Variants in CCDC148 observed in about 807,000 individuals in gnomAD.
CCDC148 encodes the protein coiled-coil domain containing 148, also known as coiled-coil domain-containing protein 148.
In CCDC148, 89 loss-of-function variants were observed where a neutral mutation model predicts 85.7. The observed-to-expected ratio is 1.04, with a 90% CI of 0.87 to 1.24. CCDC148 has a LOEUF of 1.24. Among genes scored for constraint, CCDC148 ranks in the 50% most tolerant of loss-of-function variants. The pLI, the probability that CCDC148 is intolerant of heterozygous loss-of-function variation, is 0.00. For missense variants in CCDC148, 692 were observed against 671.7 expected (o/e 1.03, Z -0.33); for synonymous variants, 230 against 213.9 (o/e 1.08, Z -0.66).
chr2:158,257,653 A>G (rs1330906008), intron 9 of CCDC148, among the ~76,000 whole-genome samples: 1 of 151,108 alleles, frequency 6.6e-6, no homozygotes, highest in African/African-American at 2.4e-5. Flanking sequence ...TTTTTTTATC[A>G]CCTCTCTTTG....
At chr2:158,381,916 C>T (rs1684887582) in intron 1 of CCDC148, among the ~76,000 whole-genome samples, 1 of 152,046 alleles carries the variant, frequency 6.6e-6, no homozygotes, top group South Asian at 2.1e-4. Flanking sequence ...TTTCATGCCC[C>T]CACCCCCTGG....
intron 11 of CCDC148, 68 bp downstream of exon 11, chr2:158,220,508 GTTCCCTCTGATATTATTTA>G: frequency 1.2e-6 from 1 of 854,672 alleles, no homozygotes; most frequent in Non-Finnish European, 1.9e-6. Context: ...ATAGAAAAAA[GTTCCCTCTGATATTATTTA>G]TTCTAACACT....
Position 158,313,518 on chromosome 2 carries a change from CAAG to C in CCDC148, c.903+235_903+237del, listed in dbSNP as rs200577017. ...GGGACCACAGTGAAGATCTCCGCAG[CAAG>C]TAGGCACAGAGAGTGACTTCTGCCC... On this transcript the variant is annotated intron_variant, in intron 8 of 13. Transcript: ENST00000283233. Among the ~76,000 whole-genome samples the C allele has an allele frequency of 1.2e-4, 19 of 152,118 alleles. No individual in the cohort carries two copies. The East Asian group carries it at 2.1e-3, about 17-fold the overall frequency.
chr2:158,179,403 T>G (rs6437145), intron 11 of CCDC148, among the ~76,000 whole-genome samples: 4 of 152,046 alleles, frequency 2.6e-5, no homozygotes, highest in African/African-American at 9.6e-5. Flanking sequence ...GTGATCCGCC[T>G]GCCTTGGCCA....
rs1373119515 is a variant in CCDC148 at position 158,443,860 on chromosome 2, A to C, written c.25+12555T>G. On this transcript the variant is annotated intron_variant, in intron 1 of 13. Transcript: ENST00000283233. ...GGCTACAAGCCAGCCACACCTCCTGACTTTGAGATCAGTGCTCTTCCACCA... is the reference window on the plus strand; with the variant it reads ...GGCTACAAGCCAGCCACACCTCCTGCCTTTGAGATCAGTGCTCTTCCACCA... Among the ~76,000 whole-genome samples the C allele has an allele frequency of 5.9e-5, 9 of 152,192 alleles. 1 individual carries two copies. Among genetic ancestry groups the C allele is most frequent in the Non-Finnish European group, 1.3e-4 (9 of 68,042 alleles).
At chr2:158,359,462 G>T (rs932550813) in intron 1 of CCDC148, among the ~76,000 whole-genome samples, 6 of 152,118 alleles carry the variant, frequency 3.9e-5, no homozygotes, top group African/African-American at 1.4e-4. Context: ...GGTGATTTCT[G>T]CATTTCCAAC....
intron 1 of CCDC148, among the ~76,000 whole-genome samples, chr2:158,452,294 G>T (rs751587726): frequency 2.0e-5 from 3 of 152,236 alleles, no homozygotes; most frequent in African/African-American, 7.2e-5. Flanking sequence ...TAGGAAAGGT[G>T]CTAGGAAACG....
chr2:158,411,811 T>C (rs1686271892), intron 1 of CCDC148, among the ~76,000 whole-genome samples: 1 of 152,194 alleles, frequency 6.6e-6, no homozygotes, highest in South Asian at 2.1e-4. Flanking sequence ...ATTTCTTCCA[T>C]ACTTTATGGT....
At chr2:158,230,509 C>T (rs1391550271) in intron 10 of CCDC148, among the ~76,000 whole-genome samples, 1 of 151,990 alleles carries the variant, frequency 6.6e-6, no homozygotes, top group Non-Finnish European at 1.5e-5. Flanking sequence ...GGGAATAGGC[C>T]AGGGAGCTGG....
At chr2:158,341,907 ATTTT>A (rs982605555) in intron 3 of CCDC148, among the ~76,000 whole-genome samples, 1 of 117,564 alleles carries the variant, frequency 8.5e-6, no homozygotes, top group African/African-American at 3.2e-5. Context: ...ATGTTGTGGG[ATTTT>A]TTTTTTTTTT....
intron 9 of CCDC148, among the ~76,000 whole-genome samples, chr2:158,300,306 C>T (rs180832115): frequency 5.6e-4 from 86 of 152,286 alleles, no homozygotes; most frequent in African/African-American, 1.9e-3. Flanking sequence ...GAGCACCTAT[C>T]AGGTCCCAAA....
chr2:158,229,138 C>T (rs896237890), intron 10 of CCDC148, among the ~76,000 whole-genome samples: 1 of 152,076 alleles, frequency 6.6e-6, no homozygotes, highest in Non-Finnish European at 1.5e-5. Context: ...CTATGACTTC[C>T]TCCATTCTAG....
chr2:158,312,676 A>G (rs2883852), intron 8 of CCDC148, among the ~76,000 whole-genome samples: 128,527 of 151,692 alleles, frequency 0.85, 55,270 homozygotes, highest in East Asian at 0.98. Flanking sequence ...AGTTATAAAT[A>G]ACAACTTGTC....
At chr2:158,201,416 AT>A (rs34363114) in intron 11 of CCDC148, among the ~76,000 whole-genome samples, 10 of 149,202 alleles carry the variant, frequency 6.7e-5, no homozygotes, top group South Asian at 2.1e-4. Flanking sequence ...ATTTGTTACT[AT>A]TTTTTTTTTG....
chr2:158,351,467 G>GGTGACCAAC (rs1553511222), intron 2 of CCDC148, among the ~76,000 whole-genome samples: 5 of 150,270 alleles, frequency 3.3e-5, no homozygotes, highest in Admixed American at 6.6e-5. Flanking sequence ...TCAAAGAAAG[G>GGTGACCAAC]GGCACCTGGA....
intron 1 of CCDC148, among the ~76,000 whole-genome samples, chr2:158,378,725 T>A (rs1684754495): frequency 6.6e-6 from 1 of 152,118 alleles, no homozygotes; most frequent in African/African-American, 2.4e-5. Flanking sequence ...TTATTATAAA[T>A]CTACTGTCTG....
intron 11 of CCDC148, among the ~76,000 whole-genome samples, chr2:158,184,190 T>C (rs1459275763): frequency 1.3e-5 from 2 of 151,890 alleles, no homozygotes; most frequent in African/African-American, 2.4e-5. Flanking sequence ...CTGGTACAGA[T>C]TGGCATGAGG....
chr2:158,359,155 A>G (rs1683812946), intron 1 of CCDC148, among the ~76,000 whole-genome samples: 1 of 152,216 alleles, frequency 6.6e-6, no homozygotes, highest in Non-Finnish European at 1.5e-5. Flanking sequence ...TATGAAAACC[A>G]TAACATAAAG....
intron 3 of CCDC148, among the ~76,000 whole-genome samples, chr2:158,342,003 T>TGTAC (rs1682725981): frequency 6.7e-6 from 1 of 149,480 alleles, no homozygotes; most frequent in South Asian, 2.1e-4. Flanking sequence ...TTCCATTTTA[T>TGTAC]GTACGTGTCA....
Sources: allele counts gnomAD v4.1 joint callset (sites outside exome capture counted in the v4.1 genomes callset), GRCh38; gene constraint gnomAD v4.1.1; transcripts MANE v1.5; gene names NCBI Gene and HGNC (gene_info 2026-07-23, HGNC 2026-07-21).